Variants in ADSS2 observed in about 807,000 individuals in gnomAD.
ADSS2 encodes the protein adenylosuccinate synthase 2, also known as adenylosuccinate synthetase isozyme 2.
In ADSS2, 30 loss-of-function variants were observed where a neutral mutation model predicts 60.0. The observed-to-expected ratio is 0.50, with a 90% confidence interval of 0.37 to 0.68. The LOEUF (loss-of-function observed/expected upper bound fraction) is 0.68, where lower values mean the gene tolerates loss of function less well. Among genes scored for constraint, ADSS2 ranks in the 30% least tolerant of loss-of-function variants. The pLI, the probability that ADSS2 is intolerant of heterozygous loss-of-function variation, is 0.00. For missense variants in ADSS2, 373 were observed against 554.8 expected, an observed-to-expected ratio of 0.67 and a Z score of 3.29; for synonymous variants, 187 against 193.1, an observed-to-expected ratio of 0.97 and a Z score of 0.26.
At position 244,427,700 on chromosome 1, in the gene ADSS2, T is replaced by A. The variant is rs1206095116; in HGVS notation, c.407-3313A>T. Among the ~76,000 whole-genome samples, 3 of 152,128 alleles carry A rather than the reference T, an allele frequency of 2.0e-5. No individual in the cohort carries two copies. In the East Asian group the frequency reaches 5.8e-4, roughly 29 times the overall value. On this transcript the variant is annotated intron_variant, in intron 4 of 12. Transcript: ENST00000366535. ...ATTAATATCAAAGTAGATATCAGAA[T>A]AAGGAATATTACCATAAAAAGGATA...
Position 244,423,976 on chromosome 1 carries a change from A to G in ADSS2, c.558T>C (p.Ser186=). The G allele has an allele frequency of 6.2e-7, 1 of 1,612,634 alleles. No homozygotes were observed. Among genetic ancestry groups the G allele is most frequent in the African/African-American group, 1.3e-5 (1 of 74,980 alleles). The change falls in exon 6 of 13, where the codon TCT becomes TCC. Residue 186 remains serine, a synonymous_variant. Coordinates refer to ENST00000366535, the MANE Select transcript of ADSS2 (RefSeq NM_001126.5). ...RSGLRMCDLV[S]DFDGFSERFK... The stretch of plus-strand genomic sequence containing the variant: ...ACCTCTCAGAGAAGCCATCAAAGTC[A>G]GAAACAAGGTCGCACATCCTGAGTC...
chr1:244,436,556 C>T lies in ADSS2; in HGVS notation c.355+269G>A, dbSNP rs3127464. Among the ~76,000 whole-genome samples the T allele has an allele frequency of 0.22, 33,782 of 151,988 alleles. 4,108 individuals are homozygous for T. The highest frequency in any genetic ancestry group is 0.31 in the Middle Eastern group (91 of 294). On this transcript the variant is annotated intron_variant, in intron 3 of 12. Coordinates refer to ENST00000366535, the MANE Select transcript of ADSS2 (RefSeq NM_001126.5). Reference sequence around the variant, plus strand: ...TCAGGAATTTCCTAGTTTTGTCACCCACATATTGTAATTCTAGCTATCTTA... The same window carrying T: ...TCAGGAATTTCCTAGTTTTGTCACCTACATATTGTAATTCTAGCTATCTTA...
chr1:244,422,967 A>G, intron 6 of ADSS2, 51 bp from the exon 7 acceptor site: 1 of 1,184,100 alleles, frequency 8.4e-7, no homozygotes, highest in Non-Finnish European at 1.2e-6. Context: ...AAAATATTTC[A>G]AATAATATCA....
At chr1:244,430,472 G>A (rs574098975) in intron 4 of ADSS2, among the ~76,000 whole-genome samples, 3 of 152,184 alleles carry the variant, frequency 2.0e-5, no homozygotes, top group East Asian at 1.9e-4. Context: ...GATGCTATAC[G>A]TTATTCAAAC....
chr1:244,412,954 A>C (rs982932295), intron 11 of ADSS2, among the ~76,000 whole-genome samples: 1 of 152,100 alleles, frequency 6.6e-6, no homozygotes, highest in Admixed American at 6.5e-5. Context: ...ATCCACCTTC[A>C]CCTTCCCCCT....
chr1:244,418,303 GT>G (rs1473946320), intron 9 of ADSS2, among the ~76,000 whole-genome samples: 3 of 151,986 alleles, frequency 2.0e-5, no homozygotes, highest in Non-Finnish European at 2.9e-5. Flanking sequence ...TAATTACATA[GT>G]TTTTGTTTAT....
intron 2 of ADSS2, 61 bp from the exon 3 acceptor site, chr1:244,436,954 A>C: frequency 7.1e-7 from 1 of 1,411,314 alleles, no homozygotes; most frequent in Non-Finnish European, 9.9e-7. Flanking sequence ...ATGTAACTTA[A>C]AGGACATTCT....
At chr1:244,449,788 A>G (rs1307015719) in intron 1 of ADSS2, among the ~76,000 whole-genome samples, 2 of 152,160 alleles carry the variant, frequency 1.3e-5, no homozygotes, top group Non-Finnish European at 2.9e-5. Context: ...TTGTTTCTCC[A>G]CTATCTTCAG....
Position 244,416,038 on chromosome 1 carries a change from C to T in ADSS2, c.1111G>A (p.Glu371Lys). The T allele has an allele frequency of 6.2e-7, 1 of 1,613,884 alleles. No homozygotes were observed. Among genetic ancestry groups the T allele is most frequent in the Non-Finnish European group, 8.5e-7 (1 of 1,179,958 alleles). Residue 371 changes from glutamate to lysine, a missense_variant, in exon 11 of 13, where the codon GAA (glutamate) becomes AAA (lysine). Coordinates refer to ENST00000366535, the MANE Select transcript of ADSS2 (RefSeq NM_001126.5). ...TTGTAAGCAACTCCAACTTTGATTT[C>T]CGTAAACATGTCCAAAATATCCAAC... ...TKLDILDMFT[E>K]IKVGVAYKLD...
chr1:244,441,157 C>T (rs1170104098), intron 1 of ADSS2, among the ~76,000 whole-genome samples: 1 of 151,580 alleles, frequency 6.6e-6, no homozygotes, highest in East Asian at 2.0e-4. Flanking sequence ...CTCTCGGGTT[C>T]ATGCCATTCT....
Position 244,420,303 on chromosome 1 carries a change from A to G in ADSS2, c.664-7T>C, listed in dbSNP as rs774793929. The G allele has an allele frequency of 1.3e-6, 2 of 1,597,128 alleles. No individual in the cohort carries two copies. Among genetic ancestry groups the G allele is most frequent in the African/African-American group, 2.7e-5 (2 of 74,244 alleles). ...TAATCTTTTCCATATAACCCTATAC[A>G]CAAAGACAAAAACCAATTTCCATGT... is the stretch of plus-strand genomic sequence containing the variant. On this transcript the variant is annotated splice_region_variant and splice_polypyrimidine_tract_variant and intron_variant, in intron 7 of 12. Transcript: ENST00000366535.
intron 1 of ADSS2, among the ~76,000 whole-genome samples, chr1:244,442,568 G>C (rs926012255): frequency 5.9e-5 from 9 of 152,118 alleles, no homozygotes; most frequent in African/African-American, 2.2e-4. Flanking sequence ...TGGGATTTAG[G>C]GGGAAATATC....
chr1:244,444,355 A>C (rs1485257161), intron 1 of ADSS2, among the ~76,000 whole-genome samples: 3 of 149,304 alleles, frequency 2.0e-5, no homozygotes, highest in Non-Finnish European at 4.4e-5. Context: ...CTCTACTAAA[A>C]ATACAAAAAA....
intron 11 of ADSS2, among the ~76,000 whole-genome samples, chr1:244,414,217 A>G (rs975730742): frequency 6.6e-6 from 1 of 152,160 alleles, no homozygotes; most frequent in East Asian, 1.9e-4. Flanking sequence ...AATAGTCATT[A>G]GGCATAGAAA....
At chr1:244,422,788 G>T in intron 7 of ADSS2, 47 bp downstream of exon 7, 2 of 1,415,168 alleles carry the variant, frequency 1.4e-6, no homozygotes, top group South Asian at 1.2e-5. Context: ...ATGCCAATTT[G>T]GCAAACAAGT....
rs1249401312 is a variant in ADSS2 at position 244,418,892 on chromosome 1, A to G, written c.813T>C (p.Ser271=). ...IDFGTYPFVT[S]SNCTVGGVCT... ...AAACACCTCCAACAGTACAATTTGAAGAGGTTACAAAAGGGTAAGTCCCTA... is the reference window on the plus strand; with the variant it reads ...AAACACCTCCAACAGTACAATTTGAGGAGGTTACAAAAGGGTAAGTCCCTA... The change falls in exon 9 of 13, where the codon TCT becomes TCC. Residue 271 remains serine, a synonymous_variant. Transcript: ENST00000366535. 1.6e-5 allele frequency: 25 copies of G among 1,610,840 alleles called. No homozygotes were observed. The highest frequency in any genetic ancestry group is 2.2e-5 in the East Asian group (1 of 44,830).
At position 244,436,181 on chromosome 1, in the gene ADSS2, T is replaced by C. The variant is rs1368847783; in HGVS notation, c.355+644A>G. 2.6e-5 allele frequency among the ~76,000 whole-genome samples: 4 copies of C among 152,300 alleles called. No individual in the cohort carries two copies. The South Asian group carries it at 6.2e-4, about 24-fold the overall frequency. Reference sequence around the variant, plus strand: ...ATGTCTGTGTTCAAAAAGTTTCAGATTTTGGGAGCATTTTGGATTTCAGAT... The same window carrying C: ...ATGTCTGTGTTCAAAAAGTTTCAGACTTTGGGAGCATTTTGGATTTCAGAT... On this transcript the variant is annotated intron_variant, in intron 3 of 12. Transcript: ENST00000366535.
chr1:244,429,639 G>T lies in ADSS2; in HGVS notation c.406+2906C>A, dbSNP rs539596846. On this transcript the variant is annotated intron_variant, in intron 4 of 12. Coordinates refer to ENST00000366535, the MANE Select transcript of ADSS2 (RefSeq NM_001126.5). ...GGGCCGTGGCTCACGCCTGTAATTG[G>T]GAGGCCAGGTCAGGTGGATCATTTG... Among the ~76,000 whole-genome samples the T allele has an allele frequency of 3.3e-3, 508 of 152,244 alleles. 4 individuals are homozygous for T. The highest frequency in any genetic ancestry group is 0.012 in the African/African-American group (484 of 41,538).
chr1:244,428,314 T>C (rs1161177618), intron 4 of ADSS2, among the ~76,000 whole-genome samples: 3 of 152,150 alleles, frequency 2.0e-5, no homozygotes, highest in Non-Finnish European at 4.4e-5. Context: ...CATGAAAATC[T>C]TCCAATATTT....
Sources: gnomAD v4.1 joint callset for allele counts (sites outside exome capture counted in the v4.1 genomes callset) on GRCh38, gnomAD v4.1.1 for gene constraint, MANE v1.5 for transcripts, NCBI Gene and HGNC (gene_info 2026-07-23, HGNC 2026-07-21) for gene names.